The following THSD7B variants were observed in gnomAD, a reference collection of about 807,000 sequenced individuals.
THSD7B encodes the protein thrombospondin type-1 domain-containing protein 7B.
A neutral mutation model predicts 213.6 loss-of-function variants in THSD7B; 138 were observed. The ratio of observed to expected loss-of-function variants is 0.65; its 90% CI spans 0.56 to 0.74. The LOEUF is 0.74. Ranked by LOEUF, THSD7B falls within the 30% of genes least tolerant of loss-of-function variation. THSD7B has a pLI of 0.00. For synonymous variants in THSD7B, 742 were observed against 687.0 expected, an observed-to-expected ratio of 1.08 and a Z score of -1.25; for missense variants, 1,931 against 1,991.5, an observed-to-expected ratio of 0.97 and a Z score of 0.58.
intron 2 of THSD7B, among the ~76,000 whole-genome samples, chr2:137,003,193 A>C (rs915917466): frequency 8.5e-5 from 13 of 152,310 alleles, no homozygotes; most frequent in Admixed American, 3.3e-4. Flanking sequence ...AAGGCCACAC[A>C]TGGCTTTTAA....
intron 17 of THSD7B, among the ~76,000 whole-genome samples, chr2:137,611,557 T>C (rs1054758501): frequency 6.6e-6 from 1 of 152,126 alleles, no homozygotes; most frequent in African/African-American, 2.4e-5. Context: ...GAACTTAGAA[T>C]GGTGACTGAC....
chr2:137,487,047 A>G (rs1330096013), intron 15 of THSD7B, among the ~76,000 whole-genome samples: 1 of 150,858 alleles, frequency 6.6e-6, no homozygotes, highest in Non-Finnish European at 1.5e-5. Flanking sequence ...AGCAGAAAAG[A>G]TCCAAAATTG....
intron 12 of THSD7B, among the ~76,000 whole-genome samples, chr2:137,361,318 C>G (rs891180794): frequency 3.3e-5 from 5 of 152,140 alleles, no homozygotes; most frequent in Admixed American, 3.3e-4. Flanking sequence ...CCAGAGCGCC[C>G]CTTCTCCTCC....
rs1683717300 is a variant in THSD7B, at chr2:137,676,988, T to A, written c.*383T>A. ...CAAGGCATTTACTCTAAATGACGAG[T>A]CTGACACTGCATTGTTACGCACTAT... On this transcript the variant is annotated 3_prime_UTR_variant, in exon 28 of 28. Transcript: ENST00000409968. 5.9e-6 allele frequency: 1 copy of A among 170,008 alleles called. No individual in the cohort carries two copies. The highest frequency in any genetic ancestry group is 1.7e-4 in the South Asian group (1 of 5,834). 10.5% of individuals were successfully genotyped at this position (170,008 alleles called of 1,614,324 possible). A position where few individuals can be genotyped will look rare whatever the true frequency, so the allele number is the denominator to read the frequency against.
intron 2 of THSD7B, among the ~76,000 whole-genome samples, chr2:136,964,343 C>T (rs1034731873): frequency 4.6e-5 from 7 of 151,710 alleles, no homozygotes; most frequent in East Asian, 2.0e-4. Flanking sequence ...GAGGATTGCC[C>T]GAGCCCAGAA....
At chr2:137,489,618 T>C (rs1435804973) in intron 15 of THSD7B, among the ~76,000 whole-genome samples, 2 of 152,186 alleles carry the variant, frequency 1.3e-5, no homozygotes, top group Non-Finnish European at 2.9e-5. Flanking sequence ...ACAGTAGCCT[T>C]TAAAATCACT....
chr2:136,901,425 A>G (rs914777194), intron 2 of THSD7B, among the ~76,000 whole-genome samples: 1 of 152,170 alleles, frequency 6.6e-6, no homozygotes, highest in African/African-American at 2.4e-5. Context: ...AATACTTCCA[A>G]TTTTTTAAAA....
At chr2:137,535,872 G>T (rs564917690) in intron 15 of THSD7B, among the ~76,000 whole-genome samples, 7 of 151,518 alleles carry the variant, frequency 4.6e-5, no homozygotes, top group South Asian at 4.2e-4. Context: ...TATTATCAGT[G>T]GGGGGAACAG....
At chr2:137,299,803 T>G (rs1021028369) in intron 12 of THSD7B, among the ~76,000 whole-genome samples, 13 of 152,206 alleles carry the variant, frequency 8.5e-5, no homozygotes, top group African/African-American at 3.1e-4. Context: ...TTTTCTCTAT[T>G]AAGTATAGGA....
intron 2 of THSD7B, among the ~76,000 whole-genome samples, chr2:137,043,416 G>C (rs1686916687): frequency 6.6e-6 from 1 of 152,010 alleles, no homozygotes. Flanking sequence ...CTGAGTCCTA[G>C]GTGTTTCTCA....
chr2:136,767,114 G>C (rs112608377), intron 1 of THSD7B, among the ~76,000 whole-genome samples: 1 of 152,242 alleles, frequency 6.6e-6, no homozygotes, highest in Middle Eastern at 3.4e-3. Context: ...TGAGTTTCTC[G>C]AGTAACTAGG....
intron 17 of THSD7B, among the ~76,000 whole-genome samples, chr2:137,608,573 G>A (rs1262598353): frequency 6.6e-6 from 1 of 152,172 alleles, no homozygotes; most frequent in African/African-American, 2.4e-5. Flanking sequence ...TCGTTGGGAG[G>A]TTGAAGAGAT....
intron 10 of THSD7B, among the ~76,000 whole-genome samples, chr2:137,260,515 C>G (rs1017077063): frequency 5.3e-5 from 8 of 152,152 alleles, no homozygotes; most frequent in African/African-American, 1.9e-4. Context: ...GTAATTCCAG[C>G]ACTTTGGGAG....
In THSD7B at chr2:136,765,681, G is replaced by T. The variant is rs1384511519; in HGVS notation, c.-42G>T. On this transcript the variant is annotated 5_prime_UTR_variant, in exon 1 of 28. Transcript: ENST00000409968. ...CAGAGGTTACGGCGGCGGCTCTGGCGAGACGGGTGAGTGCAAGCACGCGGA... is the reference window on the plus strand; with the variant it reads ...CAGAGGTTACGGCGGCGGCTCTGGCTAGACGGGTGAGTGCAAGCACGCGGA... The T allele has an allele frequency of 6.6e-6, 1 of 152,250 alleles. No homozygotes were observed. The highest frequency in any genetic ancestry group is 1.5e-5 in the Non-Finnish European group (1 of 68,098). The allele number at this position is 152,250 out of a possible 1,614,324, so 9.4% of individuals were successfully genotyped here.
intron 12 of THSD7B, among the ~76,000 whole-genome samples, chr2:137,342,793 T>C (rs138234377): frequency 1.9e-4 from 29 of 151,878 alleles, no homozygotes; most frequent in African/African-American, 7.0e-4. Flanking sequence ...GATGATCATA[T>C]GGTTTTTATT....
chr2:137,597,759 G>A (rs117602099), intron 17 of THSD7B, among the ~76,000 whole-genome samples: 1 of 152,234 alleles, frequency 6.6e-6, no homozygotes, highest in East Asian at 1.9e-4. Flanking sequence ...GTGCACTGTA[G>A]TTTTCTGAGG....
At chr2:137,064,525 G>A (rs1022917288) in intron 3 of THSD7B, among the ~76,000 whole-genome samples, 3 of 151,786 alleles carry the variant, frequency 2.0e-5, no homozygotes, top group African/African-American at 7.3e-5. Context: ...GATATAATTT[G>A]TCCATCTTCT....
intron 21 of THSD7B, among the ~76,000 whole-genome samples, chr2:137,652,167 G>T (rs1204319708): frequency 6.6e-6 from 1 of 151,822 alleles, no homozygotes; most frequent in Non-Finnish European, 1.5e-5. Context: ...TACTATTATT[G>T]TATTGAGATC....
At position 137,242,492 on chromosome 2, in the gene THSD7B, C is replaced by A. The variant is rs1488358314; in HGVS notation, c.2186C>A (p.Pro729His). 1 of 1,613,718 alleles carries A rather than the reference C, an allele frequency of 6.2e-7. No homozygotes were observed. The highest frequency in any genetic ancestry group is 8.5e-7 in the Non-Finnish European group (1 of 1,179,796). Residue 729 changes from proline to histidine, a missense_variant, in exon 10 of 28, where the codon CCC becomes CAC. By Grantham distance (77) the Pro-to-His change is moderately conservative. Transcript: ENST00000409968. ...PDSTRPETVR[P>H]CFLPCKKDCI... The stretch of plus-strand genomic sequence containing the variant: ...TCTACTCGACCTGAAACTGTGCGCC[C>A]CTGTTTTCTCCCATGCAAAAAAGAC...
Sources: gnomAD v4.1 joint callset for allele counts (sites outside exome capture counted in the v4.1 genomes callset) on GRCh38, gnomAD v4.1.1 for gene constraint, MANE v1.5 for transcripts, NCBI Gene and HGNC (gene_info 2026-07-23, HGNC 2026-07-21) for gene names.